Variants in TOP2B observed in about 807,000 individuals in gnomAD.
TOP2B encodes DNA topoisomerase II beta.
A neutral mutation model predicts 193.5 loss-of-function variants in TOP2B; 51 were observed. That is an observed-to-expected ratio of 0.26 (90% CI 0.21 to 0.33). TOP2B has a LOEUF of 0.33. Ranked by LOEUF, TOP2B falls within the 10% of genes least tolerant of loss-of-function variation. TOP2B has a pLI of 1.00. For synonymous variants in TOP2B, 634 were observed against 635.7 expected, an observed-to-expected ratio of 1.00 and a Z score of 0.04; for missense variants, 1,378 against 1,909.3, an observed-to-expected ratio of 0.72 and a Z score of 5.19.
chr3:25,658,442 A>T (rs1268286398), intron 1 of TOP2B, among the ~76,000 whole-genome samples: 1 of 152,050 alleles, frequency 6.6e-6, no homozygotes, highest in Non-Finnish European at 1.5e-5. Flanking sequence ...CTACATTTTC[A>T]TTATCATGAA....
intron 29 of TOP2B, 90 bp from the exon 30 acceptor site, chr3:25,609,434 A>G: frequency 6.8e-7 from 1 of 1,461,024 alleles, no homozygotes. Flanking sequence ...AAAGTTCATT[A>G]CAAAATAAAC....
intron 1 of TOP2B, among the ~76,000 whole-genome samples, chr3:25,654,584 C>G (rs956210331): frequency 2.0e-5 from 3 of 152,062 alleles, no homozygotes; most frequent in Admixed American, 2.0e-4. Context: ...AAAAAAAAAT[C>G]TAAAATTCAT....
intron 21 of TOP2B, among the ~76,000 whole-genome samples, chr3:25,622,765 C>T (rs1160790030): frequency 6.6e-6 from 1 of 151,990 alleles, no homozygotes; most frequent in East Asian, 1.9e-4. Context: ...CTCTGCCTCC[C>T]AAGTAGCTGG....
chr3:25,602,404 A>AAAG (rs1702119542), intron 33 of TOP2B, among the ~76,000 whole-genome samples: 1 of 122,810 alleles, frequency 8.1e-6, no homozygotes, highest in African/African-American at 4.8e-5. Flanking sequence ...CTCAAAAAAA[A>AAAG]AAAAAGAAAA....
In TOP2B at chr3:25,630,454, A is replaced by G. The variant is rs1398137194; in HGVS notation, c.1421T>C (p.Leu474Pro). The G allele has an allele frequency of 6.5e-7, 1 of 1,544,208 alleles. No individual in the cohort carries two copies. Among genetic ancestry groups the G allele is most frequent in the Non-Finnish European group, 8.7e-7 (1 of 1,144,018 alleles). The change falls in exon 12 of 36, where the codon CTG becomes CCG. Residue 474 changes from leucine to proline, a missense_variant. Physicochemically the swap from Leu to Pro is moderately conservative, Grantham distance 98. Coordinates refer to ENST00000264331, the MANE Select transcript of TOP2B (RefSeq NM_001330700.2). ...DANDAGGKHS[L>P]ECTLILTEGD... ...CTCTGTTAATATCAGTGTACACTCCAGGGAATGTTTACCACCTGAGAGAAA... is the reference window on the plus strand; with the variant it reads ...CTCTGTTAATATCAGTGTACACTCCGGGGAATGTTTACCACCTGAGAGAAA...
intron 1 of TOP2B, among the ~76,000 whole-genome samples, chr3:25,650,538 C>G (rs1393348268): frequency 6.6e-6 from 1 of 152,164 alleles, no homozygotes; most frequent in African/African-American, 2.4e-5. Context: ...AAAAGCTTTG[C>G]TCTTGTCTGC....
chr3:25,626,757 C>G lies in TOP2B; in HGVS notation c.2109+15G>C, dbSNP rs1240290899. ...CTCTCCTTCTTTCCCCAGGTCACCA[C>G]TCTTTAAGACTAACCTCTGGTAAGC... On this transcript the variant is annotated intron_variant, in intron 17 of 35. Coordinates refer to ENST00000264331, the MANE Select transcript of TOP2B (RefSeq NM_001330700.2). 5 of 1,591,394 alleles carry G rather than the reference C, an allele frequency of 3.1e-6. No individual in the cohort carries two copies. Among genetic ancestry groups the G allele is most frequent in the South Asian group, 1.1e-5 (1 of 88,460 alleles).
intron 4 of TOP2B, among the ~76,000 whole-genome samples, chr3:25,641,883 A>G (rs1282810776): frequency 6.6e-6 from 1 of 152,212 alleles, no homozygotes; most frequent in Non-Finnish European, 1.5e-5. Flanking sequence ...AATAAAAATC[A>G]CCACAGTAAT....
At chr3:25,613,140 T>C (rs1702419556) in intron 27 of TOP2B, among the ~76,000 whole-genome samples, 1 of 152,120 alleles carries the variant, frequency 6.6e-6, no homozygotes. Flanking sequence ...ACCTCCTAAA[T>C]GTAAATTAAA....
At chr3:25,629,406 T>C (rs1702895540) in intron 13 of TOP2B, among the ~76,000 whole-genome samples, 1 of 152,106 alleles carries the variant, frequency 6.6e-6, no homozygotes, top group African/African-American at 2.4e-5. Flanking sequence ...ACTAAAAGAA[T>C]GATTTAAGGA....
rs550510329 is a variant in TOP2B at position 25,606,049 on chromosome 3, C to T, written c.4372G>A (p.Glu1458Lys). Residue 1458 changes from glutamate (E) to lysine (K), a missense_variant, in exon 32 of 36, where the codon GAA becomes AAA. Physicochemically the swap from Glu to Lys is moderately conservative, Grantham distance 56. Transcript: ENST00000264331. Reference protein sequence around the residue: ...FSFPSYSQKSEDDSAKFDSNE... With the variant: ...FSFPSYSQKSKDDSAKFDSNE... ...AAAGACTAAATGAACATACCATCTT[C>T]TGACTTCTGAGAATATGAAGGAAAT... 1.3e-6 allele frequency: 2 copies of T among 1,482,370 alleles called. No individual in the cohort carries two copies. The highest frequency in any genetic ancestry group is 5.0e-5 in the East Asian group (2 of 39,646). The allele number at this position is 1,482,370 out of a possible 1,614,324, so 91.8% of individuals were successfully genotyped here.
At chr3:25,632,140 G>T (rs1364457631) in intron 10 of TOP2B, among the ~76,000 whole-genome samples, 3 of 152,020 alleles carry the variant, frequency 2.0e-5, no homozygotes, top group African/African-American at 7.2e-5. Context: ...TAGAAAAGAT[G>T]AAAGAGTTGC....
chr3:25,606,082 G>T lies in TOP2B; in HGVS notation c.4339C>A (p.Leu1447Ile), dbSNP rs369645443. The change falls in exon 32 of 36, where the codon CTC (leucine) becomes ATC (isoleucine). Residue 1447 changes from leucine to isoleucine, a missense_variant. Around this residue, in one of 9 missense-constraint regions of TOP2B, gnomAD observed 556 missense variants for 584.2 expected, o/e 0.95. Transcript: ENST00000264331. ...HDKKSQDFGN[L>I]FSFPSYSQKS... ...TGAGAATATGAAGGAAATGAGAAGAGATTTCCAAAATCCTGACTTTTTTTG... is the reference window on the plus strand; with the variant it reads ...TGAGAATATGAAGGAAATGAGAAGATATTTCCAAAATCCTGACTTTTTTTG... 4.6e-5 allele frequency: 70 copies of T among 1,507,640 alleles called. 1 individual carries two copies. In the African/African-American group the frequency reaches 6.5e-4, roughly 14 times the overall value. The allele number at this position is 1,507,640 out of a possible 1,614,324, so 93.4% of individuals were successfully genotyped here.
chr3:25,612,959 C>T (rs181931488), intron 27 of TOP2B, among the ~76,000 whole-genome samples: 196 of 152,234 alleles, frequency 1.3e-3, no homozygotes, highest in Non-Finnish European at 2.4e-3. Context: ...GACTAAATGA[C>T]CTGAGAAGTC....
At chr3:25,619,695 AAAG>A (rs1702606636) in intron 23 of TOP2B, among the ~76,000 whole-genome samples, 164 bp downstream of exon 23, 1 of 151,730 alleles carries the variant, frequency 6.6e-6, no homozygotes, top group Admixed American at 6.6e-5. Context: ...ATACTAGAAG[AAAG>A]AAATGTGCCC....
chr3:25,635,407 G>C (rs985435421), intron 7 of TOP2B, among the ~76,000 whole-genome samples: 23 of 152,166 alleles, frequency 1.5e-4, no homozygotes, highest in Non-Finnish European at 8.8e-5. Flanking sequence ...CACAGATTTT[G>C]TAACATGTAT....
chr3:25,663,960 G>T (rs1703998626), intron 1 of TOP2B, among the ~76,000 whole-genome samples: 1 of 152,226 alleles, frequency 6.6e-6, no homozygotes, highest in East Asian at 1.9e-4. Flanking sequence ...GGAAGCGGGG[G>T]CTGTATGTTA....
chr3:25,620,096 T>C, intron 22 of TOP2B, 34 bp from the exon 23 acceptor site: 1 of 1,301,076 alleles, frequency 7.7e-7, no homozygotes, highest in Non-Finnish European at 1.1e-6. Context: ...ATTCTTTTCA[T>C]GACACACTCT....
At chr3:25,619,432 T>C (rs779365390) in intron 23 of TOP2B, among the ~76,000 whole-genome samples, 1 of 152,120 alleles carries the variant, frequency 6.6e-6, no homozygotes, top group Non-Finnish European at 1.5e-5. Context: ...GGAATGGAAC[T>C]TGAATCACAC....
Sources: allele counts gnomAD v4.1 joint callset (sites outside exome capture counted in the v4.1 genomes callset), GRCh38; gene constraint gnomAD v4.1.1; regional missense constraint gnomAD v4.1.1; transcripts MANE v1.5; gene names NCBI Gene and HGNC (gene_info 2026-07-23, HGNC 2026-07-21).